DDX42: variants seen among roughly 807,000 people sequenced by gnomAD.
DDX42 encodes DEAD-box helicase 42.
DDX42 carries 22 observed loss-of-function variants against 101.5 expected under a neutral mutation model. That is an observed-to-expected ratio of 0.22 (90% CI 0.15 to 0.31). DDX42 has a LOEUF of 0.31. DDX42 is among the 10% of genes least tolerant of loss of function. The pLI is 1.00. For synonymous variants in DDX42, 402 were observed against 401.2 expected (o/e 1.00, Z -0.02); for missense variants, 849 against 1,199.9 (o/e 0.71, Z 4.32).
chr17:63,776,382 C>CT (rs2039421178), intron 1 of DDX42: 2 of 152,362 alleles, frequency 1.3e-5, no homozygotes, highest in South Asian at 4.1e-4. Flanking sequence ...GCTTCTGACT[C>CT]TGTTATGACA....
intron 17 of DDX42, 90 bp downstream of exon 17, chr17:63,817,056 G>A (rs2039985382): frequency 6.5e-6 from 7 of 1,082,168 alleles, no homozygotes; most frequent in African/African-American, 1.6e-5. Flanking sequence ...GTAGCTGGGC[G>A]CCTAGGCTTG....
intron 2 of DDX42, among the ~76,000 whole-genome samples, chr17:63,788,841 T>G (rs1378485236): frequency 6.6e-6 from 1 of 152,160 alleles, no homozygotes; most frequent in Non-Finnish European, 1.5e-5. Flanking sequence ...TTGCTATTAT[T>G]TCCAAGCTGA....
intron 7 of DDX42, 180 bp from the exon 8 acceptor site, chr17:63,806,355 T>C: frequency 2.3e-6 from 1 of 441,856 alleles, no homozygotes; most frequent in Admixed American, 4.4e-5. Context: ...GTTTTTAATA[T>C]GAGGTTTATA....
At chr17:63,789,533 A>AT (rs1383205233) in intron 2 of DDX42, among the ~76,000 whole-genome samples, 1 of 134,988 alleles carries the variant, frequency 7.4e-6, no homozygotes, top group East Asian at 2.3e-4. Flanking sequence ...TGGAAAAAAA[A>AT]GCTTCTAAAA....
rs1255872644 is a variant in DDX42, at chr17:63,774,179, C to T, written c.-214C>T. ...CGCATGTCGCGTTTTTGTTCCCCTCCCCCCTTCAGCAACGGGCCGTGAGGC... is the reference window on the plus strand; with the variant it reads ...CGCATGTCGCGTTTTTGTTCCCCTCTCCCCTTCAGCAACGGGCCGTGAGGC... On this transcript the variant is annotated 5_prime_UTR_variant, in exon 1 of 18. Coordinates refer to ENST00000389924, the MANE Select transcript of DDX42 (RefSeq NM_203499.3). 1.1e-5 allele frequency: 3 copies of T among 283,674 alleles called. No homozygotes were observed. The highest frequency in any genetic ancestry group is 6.6e-5 in the East Asian group (1 of 15,112). The allele number at this position is 283,674 out of a possible 1,614,324, so 17.6% of individuals were successfully genotyped here. A position where few individuals can be genotyped will look rare whatever the true frequency, so the allele number is the denominator to read the frequency against.
intron 9 of DDX42, among the ~76,000 whole-genome samples, chr17:63,808,280 C>T (rs2039866925): frequency 6.6e-6 from 1 of 152,212 alleles, no homozygotes; most frequent in Non-Finnish European, 1.5e-5. Flanking sequence ...CAGTTTCAAG[C>T]AATTCTCCTG....
chr17:63,790,311 A>G (rs1422033267), intron 2 of DDX42, among the ~76,000 whole-genome samples: 1 of 152,182 alleles, frequency 6.6e-6, no homozygotes, highest in Non-Finnish European at 1.5e-5. Flanking sequence ...TATATAAAGG[A>G]GTTGGCATAA....
intron 14 of DDX42, 49 bp from the exon 15 acceptor site, chr17:63,813,176 ATCT>A (rs2039933411): frequency 6.7e-7 from 1 of 1,500,176 alleles, no homozygotes; most frequent in South Asian, 1.3e-5. Context: ...GGTTACTTTG[ATCT>A]TCTGACTACA....
intron 8 of DDX42, 140 bp downstream of exon 8, chr17:63,806,794 A>T: frequency 1.1e-6 from 1 of 878,408 alleles, no homozygotes; most frequent in Non-Finnish European, 1.6e-6. Context: ...CACTCTTAAG[A>T]AGTCACTAAA....
Position 63,815,569 on chromosome 17 carries a change from T to C in DDX42, c.1909T>C (p.Trp637Arg). 1 of 1,613,296 alleles carries C rather than the reference T, an allele frequency of 6.2e-7. No homozygotes were observed. Among genetic ancestry groups the C allele is most frequent in the South Asian group, 1.1e-5 (1 of 91,000 alleles). Residue 637 changes from tryptophan (W) to arginine (R), a missense_variant, in exon 16 of 18, where the codon TGG (tryptophan) becomes CGG (arginine). Around this residue, in one of 5 missense-constraint regions of DDX42, gnomAD observed 86 missense variants for 160.8 expected, o/e 0.53. Coordinates refer to ENST00000389924, the MANE Select transcript of DDX42 (RefSeq NM_203499.3). ...ELLDLAMQNA[W>R]FRKSRFKGGK... ...TGAATTTTGTTCAATGCAGAATGCC[T>C]GGTTTCGGAAATCTCGATTCAAAGG...
chr17:63,783,281 T>G (rs1321984260), intron 1 of DDX42, among the ~76,000 whole-genome samples: 1 of 152,192 alleles, frequency 6.6e-6, no homozygotes, highest in Non-Finnish European at 1.5e-5. Context: ...TCAGCAAGCT[T>G]TCAGTAAACC....
intron 1 of DDX42, among the ~76,000 whole-genome samples, chr17:63,779,676 C>T (rs2039462728): frequency 6.6e-6 from 1 of 152,138 alleles, no homozygotes; most frequent in Admixed American, 6.5e-5. Context: ...TTCTCCCCTC[C>T]TCGCAGCCCC....
At chr17:63,792,949 T>C (rs1315170393) in intron 3 of DDX42, among the ~76,000 whole-genome samples, 1 of 152,210 alleles carries the variant, frequency 6.6e-6, no homozygotes, top group African/African-American at 2.4e-5. Flanking sequence ...TCTGTAGTTT[T>C]AAATGTTATT....
chr17:63,795,867 C>T (rs1483694401), intron 3 of DDX42, among the ~76,000 whole-genome samples: 2 of 152,188 alleles, frequency 1.3e-5, no homozygotes, highest in African/African-American at 4.8e-5. Flanking sequence ...AATTCACCTC[C>T]AAACCCCATA....
chr17:63,816,782 C>A, intron 16 of DDX42, 86 bp from the exon 17 acceptor site: 1 of 992,862 alleles, frequency 1.0e-6, no homozygotes, highest in Non-Finnish European at 1.4e-6. Context: ...GCTCCCACTT[C>A]AAGGGTTTTC....
intron 16 of DDX42, 57 bp from the exon 17 acceptor site, chr17:63,816,811 T>C: frequency 2.8e-6 from 4 of 1,416,482 alleles, no homozygotes; most frequent in Middle Eastern, 1.8e-4. Context: ...GCCTAGTCTA[T>C]AGCAGTGAGC....
intron 1 of DDX42, among the ~76,000 whole-genome samples, chr17:63,781,664 C>T (rs535216349): frequency 3.3e-5 from 5 of 152,232 alleles, no homozygotes; most frequent in African/African-American, 7.2e-5. Context: ...TCTGAAGTTT[C>T]CATGTAAGCT....
At chr17:63,789,019 C>T (rs1042338895) in intron 2 of DDX42, among the ~76,000 whole-genome samples, 9 of 152,146 alleles carry the variant, frequency 5.9e-5, no homozygotes, top group African/African-American at 2.2e-4. Context: ...TCTCCCACCT[C>T]AGCCTCCTGA....
At chr17:63,809,127 C>G (rs990338024) in intron 10 of DDX42, among the ~76,000 whole-genome samples, 179 bp downstream of exon 10, 6 of 152,170 alleles carry the variant, frequency 3.9e-5, no homozygotes, top group African/African-American at 1.2e-4. Flanking sequence ...GTGAGAGTCT[C>G]TGTGACATAT....
Sources: gnomAD v4.1 joint callset for allele counts (sites outside exome capture counted in the v4.1 genomes callset) on GRCh38, gnomAD v4.1.1 for gene constraint, gnomAD v4.1.1 regional missense constraint, MANE v1.5 for transcripts, NCBI Gene and HGNC (gene_info 2026-07-23, HGNC 2026-07-21) for gene names.